The following CACNA2D3 variants were observed in gnomAD, a reference collection of about 807,000 sequenced individuals.
The protein encoded by CACNA2D3 is voltage-dependent calcium channel subunit alpha-2/delta-3.
A neutral mutation model predicts 160.6 loss-of-function variants in CACNA2D3; 60 were observed. That is an observed-to-expected ratio of 0.37 (90% CI 0.30 to 0.46). The LOEUF is 0.46. Ranked by LOEUF, CACNA2D3 falls within the 20% of genes least tolerant of loss-of-function variation. The pLI is 1.00. For synonymous variants in CACNA2D3, 558 were observed against 492.9 expected, an observed-to-expected ratio of 1.13 and a Z score of -1.75; for missense variants, 1,205 against 1,365.0, an observed-to-expected ratio of 0.88 and a Z score of 1.85.
intron 11 of CACNA2D3, among the ~76,000 whole-genome samples, chr3:54,682,549 T>C (rs1700372949): frequency 6.6e-6 from 1 of 152,100 alleles, no homozygotes; most frequent in Non-Finnish European, 1.5e-5. Context: ...TCGCTTGAGC[T>C]GCAGTGAGCT....
chr3:54,578,846 C>T (rs1575357361), intron 8 of CACNA2D3, among the ~76,000 whole-genome samples: 2 of 152,334 alleles, frequency 1.3e-5, no homozygotes, highest in African/African-American at 4.8e-5. Context: ...GGAGCCCCCA[C>T]AAGTATAGAC....
At chr3:54,992,930 A>G (rs1416126461) in intron 31 of CACNA2D3, among the ~76,000 whole-genome samples, 3 of 152,206 alleles carry the variant, frequency 2.0e-5, no homozygotes, top group Non-Finnish European at 4.4e-5. Flanking sequence ...GTGAAGGAGA[A>G]GCAGGCATGT....
intron 2 of CACNA2D3, among the ~76,000 whole-genome samples, chr3:54,279,463 G>T (rs4928031): frequency 0.091 from 13,798 of 152,094 alleles, 814 homozygotes; most frequent in East Asian, 0.29. Flanking sequence ...CTCCCTCTCT[G>T]TGTCTCTGGT....
intron 11 of CACNA2D3, among the ~76,000 whole-genome samples, chr3:54,681,023 G>A (rs1169793725): frequency 3.3e-5 from 5 of 151,946 alleles, no homozygotes; most frequent in African/African-American, 1.2e-4. Flanking sequence ...AGAGAACATG[G>A]CTTTTTCATT....
At chr3:55,008,059 C>T (rs753947334) in intron 33 of CACNA2D3, among the ~76,000 whole-genome samples, 2 of 152,152 alleles carry the variant, frequency 1.3e-5, no homozygotes, top group African/African-American at 4.8e-5. Flanking sequence ...ATTAGGTCAT[C>T]GTTTAGCAGA....
At chr3:54,773,537 C>T (rs1365910648) in intron 13 of CACNA2D3, among the ~76,000 whole-genome samples, 2 of 152,162 alleles carry the variant, frequency 1.3e-5, no homozygotes, top group Non-Finnish European at 2.9e-5. Flanking sequence ...AATTTAATAG[C>T]CTCCAGAGCC....
intron 2 of CACNA2D3, among the ~76,000 whole-genome samples, chr3:54,209,012 G>A (rs1701323251): frequency 6.6e-6 from 1 of 152,118 alleles, no homozygotes; most frequent in African/African-American, 2.4e-5. Context: ...TCAGATCAGA[G>A]ACTTATTCAC....
intron 13 of CACNA2D3, among the ~76,000 whole-genome samples, chr3:54,786,769 C>A (rs1046486641): frequency 6.6e-6 from 1 of 152,120 alleles, no homozygotes; most frequent in Non-Finnish European, 1.5e-5. Flanking sequence ...AAAAAACACA[C>A]AACTGATTTT....
At chr3:54,752,977 C>G (rs917350250) in intron 12 of CACNA2D3, among the ~76,000 whole-genome samples, 1 of 151,872 alleles carries the variant, frequency 6.6e-6, no homozygotes, top group East Asian at 1.9e-4. Flanking sequence ...TCTTGTGCCT[C>G]AGCCTCCCGA....
In CACNA2D3 at chr3:54,905,844, G is replaced by A. The variant is rs141050258; in HGVS notation, c.2449+5976G>A. Among the ~76,000 whole-genome samples the A allele has an allele frequency of 9.6e-3, 1,462 of 152,274 alleles. 32 individuals are homozygous for A. Among genetic ancestry groups the A allele is most frequent in the African/African-American group, 0.032 (1,344 of 41,542 alleles). ...AAACTGACAGGTAAACTTCAACTCA[G>A]TGCTTTCAAATTCAGTGTTTTTCCT... On this transcript the variant is annotated intron_variant, in intron 27 of 37. Coordinates refer to ENST00000474759, the MANE Select transcript of CACNA2D3 (RefSeq NM_018398.3).
chr3:54,128,863 A>AT lies in CACNA2D3; in HGVS notation c.204+5276dup, dbSNP rs540927713. On this transcript the variant is annotated intron_variant, in intron 2 of 37. Coordinates refer to ENST00000474759, the MANE Select transcript of CACNA2D3 (RefSeq NM_018398.3). ...GCCAACCTATGAATTAGCATATGTG[A>AT]TTTTTTTCCCCTTTAAATGTAATTT... Among the ~76,000 whole-genome samples, 30 of 152,264 alleles carry AT rather than the reference A, an allele frequency of 2.0e-4. 1 individual carries two copies. The highest frequency in any genetic ancestry group is 6.2e-4 in the South Asian group (3 of 4,822).
intron 27 of CACNA2D3, among the ~76,000 whole-genome samples, chr3:54,959,725 G>C (rs1701985489): frequency 6.6e-6 from 1 of 152,182 alleles, no homozygotes; most frequent in Non-Finnish European, 1.5e-5. Flanking sequence ...TCTTCTGAAA[G>C]GTTGAAAGGG....
At chr3:54,929,064 A>G (rs1045530486) in intron 27 of CACNA2D3, among the ~76,000 whole-genome samples, 1 of 152,138 alleles carries the variant, frequency 6.6e-6, no homozygotes, top group Non-Finnish European at 1.5e-5. Flanking sequence ...ATGAAGTGCA[A>G]TCCTTGGCTC....
At chr3:55,055,246 G>A (rs1323546533) in intron 35 of CACNA2D3, among the ~76,000 whole-genome samples, 5 of 152,008 alleles carry the variant, frequency 3.3e-5, no homozygotes, top group Admixed American at 6.6e-5. Flanking sequence ...CATAATGTGC[G>A]ATAAGGTCCA....
At chr3:54,735,998 TATATATATGTATATATATACAC>T (rs1559563405) in intron 11 of CACNA2D3, among the ~76,000 whole-genome samples, 45 of 111,212 alleles carry the variant, frequency 4.0e-4, no homozygotes, top group Admixed American at 6.4e-4. Context: ...TATATACATA[TATATATATGTATATATATACAC>T]ATACATATAT....
chr3:55,067,727 A>G (rs1456834636), intron 35 of CACNA2D3, among the ~76,000 whole-genome samples: 1 of 152,026 alleles, frequency 6.6e-6, no homozygotes, highest in Non-Finnish European at 1.5e-5. Context: ...ATACATACAT[A>G]CATACATACA....
intron 2 of CACNA2D3, among the ~76,000 whole-genome samples, chr3:54,214,141 A>G (rs1701423467): frequency 6.6e-6 from 1 of 152,214 alleles, no homozygotes; most frequent in Non-Finnish European, 1.5e-5. Context: ...CTCTGACAGG[A>G]ACAAAGCTGG....
intron 3 of CACNA2D3, among the ~76,000 whole-genome samples, chr3:54,380,359 G>A (rs545300570): frequency 3.9e-5 from 6 of 152,332 alleles, no homozygotes; most frequent in Admixed American, 2.6e-4. Flanking sequence ...TCAAGTTCAA[G>A]CCCTGCTGTG....
intron 29 of CACNA2D3, among the ~76,000 whole-genome samples, chr3:54,974,396 GT>G (rs1702337785): frequency 6.6e-6 from 1 of 152,158 alleles, no homozygotes; most frequent in Non-Finnish European, 1.5e-5. Context: ...GAAAGACTTT[GT>G]TTGAGGTCAC....
Sources: allele counts gnomAD v4.1 joint callset (sites outside exome capture counted in the v4.1 genomes callset), GRCh38; gene constraint gnomAD v4.1.1; transcripts MANE v1.5; gene names NCBI Gene and HGNC (gene_info 2026-07-23, HGNC 2026-07-21).